ATP9A: variants seen among roughly 807,000 people sequenced by gnomAD.
ATP9A encodes the protein ATPase phospholipid transporting 9A.
Under a neutral mutation model 144.1 loss-of-function variants are expected in ATP9A, and 52 were observed. That is an observed-to-expected ratio of 0.36 (90% CI 0.29 to 0.45). ATP9A has a LOEUF of 0.45. Ranked by LOEUF, ATP9A falls within the 20% of genes least tolerant of loss-of-function variation. The pLI, the probability that ATP9A is intolerant of heterozygous loss-of-function variation, is 1.00. For missense variants in ATP9A, 947 were observed against 1,392.7 expected (o/e 0.68, Z 5.09); for synonymous variants, 582 against 557.4 (o/e 1.04, Z -0.62).
At position 51,737,044 on chromosome 20, in the gene ATP9A, C is replaced by T. The variant is rs557035631; in HGVS notation, c.69-7066G>A. ...CCATTGTTACAGTGGATAAAGTGAG[C>T]CCCAGAGGACTCAGTGACCTGCCCA... On this transcript the variant is annotated intron_variant, in intron 1 of 27. Transcript: ENST00000338821. Among the ~76,000 whole-genome samples, 8 of 152,240 alleles carry T rather than the reference C, an allele frequency of 5.3e-5. No individual in the cohort carries two copies. The East Asian group carries it at 1.2e-3, about 22-fold the overall frequency.
intron 12 of ATP9A, 121 bp downstream of exon 12, chr20:51,670,994 G>A: frequency 9.2e-7 from 1 of 1,089,386 alleles, no homozygotes; most frequent in East Asian, 2.5e-5. Context: ...AAGATGAAGG[G>A]AATAAAATAG....
intron 4 of ATP9A, among the ~76,000 whole-genome samples, chr20:51,711,012 G>C (rs1275247595): frequency 1.3e-5 from 2 of 152,078 alleles, no homozygotes; most frequent in African/African-American, 4.8e-5. Flanking sequence ...GTAAGAATAT[G>C]TTATTAAGGG....
rs548703005 is a variant in ATP9A at position 51,741,909 on chromosome 20, C to G, written c.69-11931G>C. Among the ~76,000 whole-genome samples, 5 of 152,258 alleles carry G rather than the reference C, an allele frequency of 3.3e-5. No homozygotes were observed. In the South Asian group the frequency reaches 1.0e-3, roughly 32 times the overall value. On this transcript the variant is annotated intron_variant, in intron 1 of 27. Transcript: ENST00000338821. ...ACACCTTACAATGCACAGACAACCT[C>G]CACAACAGAGAAGTATCCAGCCCAA...
At chr20:51,677,806 C>T (rs1409618959) in intron 9 of ATP9A, among the ~76,000 whole-genome samples, 1 of 141,214 alleles carries the variant, frequency 7.1e-6, no homozygotes, top group Non-Finnish European at 1.6e-5. Flanking sequence ...AAGAAATCAA[C>T]ATGGCCAGTG....
intron 17 of ATP9A, 88 bp from the exon 18 acceptor site, chr20:51,625,450 C>T (rs1378884135): frequency 9.7e-6 from 14 of 1,443,458 alleles, no homozygotes; most frequent in Admixed American, 2.2e-5. Context: ...GGGCCACACC[C>T]GATCCCCACC....
intron 1 of ATP9A, among the ~76,000 whole-genome samples, chr20:51,743,026 C>T (rs962679201): frequency 2.6e-5 from 4 of 152,212 alleles, no homozygotes; most frequent in East Asian, 3.8e-4. Flanking sequence ...TGTTGTCCCA[C>T]GGTAGAAACC....
intron 2 of ATP9A, 77 bp downstream of exon 2, chr20:51,729,757 A>G: frequency 7.1e-7 from 1 of 1,408,894 alleles, no homozygotes; most frequent in Non-Finnish European, 9.4e-7. Flanking sequence ...AAATAACATG[A>G]CATGACATAA....
At chr20:51,733,564 G>A (rs189165859) in intron 1 of ATP9A, among the ~76,000 whole-genome samples, 7 of 152,174 alleles carry the variant, frequency 4.6e-5, no homozygotes, top group African/African-American at 1.7e-4. Context: ...AAGTAGAGAC[G>A]GGGTTTCACC....
intron 4 of ATP9A, among the ~76,000 whole-genome samples, chr20:51,708,581 A>G (rs1460953204): frequency 6.6e-6 from 1 of 152,146 alleles, no homozygotes; most frequent in East Asian, 1.9e-4. Context: ...TTAAAAATAC[A>G]AAAATTAGCC....
chr20:51,738,311 G>A (rs770054303), intron 1 of ATP9A, among the ~76,000 whole-genome samples: 52 of 152,242 alleles, frequency 3.4e-4, no homozygotes, highest in Non-Finnish European at 6.0e-4. Context: ...GATTACAGGC[G>A]CAAGCCATGG....
chr20:51,738,029 AT>A (rs11321391), intron 1 of ATP9A, among the ~76,000 whole-genome samples: 18,246 of 137,528 alleles, frequency 0.13, 993 homozygotes, highest in South Asian at 0.19. Context: ...CCTCTAAAAC[AT>A]TTTTTTTTTT....
At chr20:51,610,904 C>G (rs2077182616) in intron 23 of ATP9A, among the ~76,000 whole-genome samples, 1 of 152,178 alleles carries the variant, frequency 6.6e-6, no homozygotes, top group East Asian at 1.9e-4. Context: ...AAGATATTTA[C>G]AAACCCTCGC....
intron 4 of ATP9A, among the ~76,000 whole-genome samples, chr20:51,700,197 G>C (rs1271970102): frequency 1.3e-5 from 2 of 152,152 alleles, no homozygotes; most frequent in Non-Finnish European, 2.9e-5. Flanking sequence ...TTTACAGAGA[G>C]ACTGGAGAAC....
chr20:51,760,831 T>C (rs978226386), intron 1 of ATP9A, among the ~76,000 whole-genome samples: 1 of 151,778 alleles, frequency 6.6e-6, no homozygotes, highest in Non-Finnish European at 1.5e-5. Flanking sequence ...AAGACCATCC[T>C]GGTCAACATG....
chr20:51,766,567 C>A (rs2077904747), intron 1 of ATP9A, among the ~76,000 whole-genome samples: 1 of 152,072 alleles, frequency 6.6e-6, no homozygotes, highest in African/African-American at 2.4e-5. Flanking sequence ...GGAGGCCGGG[C>A]GCGGTGACTC....
chr20:51,722,415 G>A (rs983904471), intron 3 of ATP9A, among the ~76,000 whole-genome samples: 1 of 152,174 alleles, frequency 6.6e-6, no homozygotes, highest in Non-Finnish European at 1.5e-5. Context: ...AACCCACAGA[G>A]TGGGAGAAAA....
rs750451415 is a variant in ATP9A at position 51,625,166 on chromosome 20, C to T, written c.2016+26G>A. 2.5e-6 allele frequency: 4 copies of T among 1,594,266 alleles called. No homozygotes were observed. In the Admixed American group the frequency reaches 6.7e-5, roughly 27 times the overall value. ...GATAACTGGCATTGCCCTGGAGTGC[C>T]CTTCCCTGCGGGCAGCCCGCCCTAC... On this transcript the variant is annotated intron_variant, in intron 18 of 27. Coordinates refer to ENST00000338821, the MANE Select transcript of ATP9A (RefSeq NM_006045.3).
rs115640800 is a variant in ATP9A, at chr20:51,673,777, C to T, written c.1037+376G>A. On this transcript the variant is annotated intron_variant, in intron 11 of 27. Coordinates refer to ENST00000338821, the MANE Select transcript of ATP9A (RefSeq NM_006045.3). The stretch of plus-strand genomic sequence containing the variant: ...TGCTCCTTCTAAAAGCCGATGGGCG[C>T]GGTGGCTCACACCTACAATCCCAGT... Among the ~76,000 whole-genome samples the T allele has an allele frequency of 5.7e-3, 868 of 152,190 alleles. 8 individuals are homozygous for T. Among genetic ancestry groups the T allele is most frequent in the African/African-American group, 0.02 (816 of 41,510 alleles).
intron 1 of ATP9A, among the ~76,000 whole-genome samples, chr20:51,750,781 T>A (rs1241604538): frequency 6.6e-6 from 1 of 152,030 alleles, no homozygotes; most frequent in Admixed American, 6.6e-5. Flanking sequence ...GGCAATCTCA[T>A]CTCGTTGTAG....
Sources: allele counts gnomAD v4.1 joint callset (sites outside exome capture counted in the v4.1 genomes callset), GRCh38; gene constraint gnomAD v4.1.1; transcripts MANE v1.5; gene names NCBI Gene and HGNC (gene_info 2026-07-23, HGNC 2026-07-21).